The following CDH13 variants were observed in gnomAD, a reference collection of about 807,000 sequenced individuals.
CDH13 encodes the protein cadherin 13, also known as cadherin-13.
In CDH13, 24 loss-of-function variants were observed where a neutral mutation model predicts 63.8. The ratio of observed to expected loss-of-function variants is 0.38; its 90% CI spans 0.27 to 0.53. The LOEUF (loss-of-function observed/expected upper bound fraction) is 0.53, where lower values mean the gene tolerates loss of function less well. CDH13 is among the 20% of genes least tolerant of loss of function. The probability of loss-of-function intolerance (pLI) is 0.85; values close to 1 mark genes in which losing one functional copy is unlikely to be tolerated. For synonymous variants in CDH13, 503 were observed against 355.3 expected, an observed-to-expected ratio of 1.42 and a Z score of -4.67; for missense variants, 1,049 against 903.1, an observed-to-expected ratio of 1.16 and a Z score of -2.07.
At chr16:83,498,818 C>T (rs961336914) in intron 7 of CDH13, among the ~76,000 whole-genome samples, 6 of 152,288 alleles carry the variant, frequency 3.9e-5, no homozygotes, top group South Asian at 4.1e-4. Context: ...CTTTCATTCT[C>T]ATCAGGCCAT....
chr16:83,602,107 CAAAAAAAAAAAAAAAAAAAAAA>C (rs869202510), intron 7 of CDH13, among the ~76,000 whole-genome samples: 1 of 7,958 alleles, frequency 1.3e-4, no homozygotes, highest in East Asian at 3.8e-3. Context: ...AGAACAACAA[CAAAAAAAAAAAAAAAAAAAAAA>C]AAAAAAAAAA....
chr16:83,369,615 G>A (rs570879027), intron 6 of CDH13, among the ~76,000 whole-genome samples: 1 of 152,138 alleles, frequency 6.6e-6, no homozygotes, highest in African/African-American at 2.4e-5. Flanking sequence ...CGTACAGATG[G>A]AATCTCACTG....
At chr16:83,599,013 G>C (rs1907529113) in intron 7 of CDH13, among the ~76,000 whole-genome samples, 1 of 152,204 alleles carries the variant, frequency 6.6e-6, no homozygotes, top group Non-Finnish European at 1.5e-5. Flanking sequence ...GGCCAGGCCT[G>C]AACCATATGA....
intron 3 of CDH13, among the ~76,000 whole-genome samples, chr16:83,080,460 T>G (rs1374504604): frequency 1.3e-5 from 2 of 152,250 alleles, no homozygotes; most frequent in African/African-American, 4.8e-5. Flanking sequence ...TGCATCTGCC[T>G]GACCTTCTTG....
At chr16:82,940,015 G>C (rs1386765745) in intron 2 of CDH13, among the ~76,000 whole-genome samples, 1 of 152,128 alleles carries the variant, frequency 6.6e-6, no homozygotes. Flanking sequence ...AGAACCAAAT[G>C]AAAGGGGTTT....
chr16:82,860,051 C>A (rs1357914579), intron 2 of CDH13, among the ~76,000 whole-genome samples: 1 of 152,154 alleles, frequency 6.6e-6, no homozygotes, highest in Admixed American at 6.5e-5. Flanking sequence ...TTATCAGAAT[C>A]AATATATTTC....
intron 2 of CDH13, among the ~76,000 whole-genome samples, chr16:82,915,604 T>A (rs1311434420): frequency 4.6e-5 from 7 of 151,896 alleles, no homozygotes; most frequent in Admixed American, 1.3e-4. Context: ...GTACAGCACC[T>A]AAAATATCCT....
At chr16:83,503,694 G>C (rs1199935792) in intron 7 of CDH13, among the ~76,000 whole-genome samples, 1 of 152,172 alleles carries the variant, frequency 6.6e-6, no homozygotes, top group Non-Finnish European at 1.5e-5. Flanking sequence ...GAAGTGTCTT[G>C]AGAAGTTTCT....
chr16:82,967,192 C>T (rs559976573), intron 2 of CDH13, among the ~76,000 whole-genome samples: 17 of 152,224 alleles, frequency 1.1e-4, no homozygotes, highest in African/African-American at 4.1e-4. Flanking sequence ...TATGTCAACA[C>T]CTAAATAATC....
At chr16:83,326,336 T>C (rs1471058327) in intron 5 of CDH13, among the ~76,000 whole-genome samples, 1 of 152,188 alleles carries the variant, frequency 6.6e-6, no homozygotes, top group East Asian at 1.9e-4. Flanking sequence ...GGCATATTCT[T>C]TAAGGGGTAG....
intron 1 of CDH13, among the ~76,000 whole-genome samples, chr16:82,842,465 AG>A (rs939823301): frequency 1.3e-5 from 2 of 152,038 alleles, no homozygotes; most frequent in African/African-American, 2.4e-5. Context: ...AAGAGTGCAC[AG>A]GCAAAAATCA....
chr16:83,232,474 A>C (rs555690112), intron 5 of CDH13, among the ~76,000 whole-genome samples: 2 of 151,754 alleles, frequency 1.3e-5, no homozygotes, highest in Non-Finnish European at 2.9e-5. Flanking sequence ...GCAGTGAGCC[A>C]AGATTGCGCC....
Position 82,810,152 on chromosome 16 carries a change from A to G in CDH13, c.46-48210A>G, listed in dbSNP as rs1447070740. On this transcript the variant is annotated intron_variant, in intron 1 of 13. Transcript: ENST00000567109. ...GCTTCAAGGTAAGGACATGGTGCCT[A>G]CTTTCTAAATGAGATGTTATCCAGA... 2.0e-5 allele frequency among the ~76,000 whole-genome samples: 3 copies of G among 152,232 alleles called. No individual in the cohort carries two copies. The South Asian group carries it at 6.2e-4, about 31-fold the overall frequency.
In CDH13 at chr16:83,795,134, C is replaced by T. The variant is rs938574862; in HGVS notation, c.*104C>T. The stretch of plus-strand genomic sequence containing the variant: ...TGCGGTTTACAGCTATCGAACTTCA[C>T]AACTAGGCCTCAATTGTTCCGGTTT... On this transcript the variant is annotated 3_prime_UTR_variant, in exon 14 of 14. Coordinates refer to ENST00000567109, the MANE Select transcript of CDH13 (RefSeq NM_001257.5). 4.9e-5 allele frequency: 44 copies of T among 903,844 alleles called. No individual in the cohort carries two copies. The highest frequency in any genetic ancestry group is 7.0e-5 in the Non-Finnish European group (41 of 587,610). The allele number at this position is 903,844 out of a possible 1,614,324, so 56.0% of individuals were successfully genotyped here.
At chr16:82,806,383 T>C (rs544712212) in intron 1 of CDH13, among the ~76,000 whole-genome samples, 1 of 152,316 alleles carries the variant, frequency 6.6e-6, no homozygotes, top group African/African-American at 2.4e-5. Flanking sequence ...GTACAAAACG[T>C]ATACCAGACA....
chr16:82,963,863 G>C (rs1043644742), intron 2 of CDH13, among the ~76,000 whole-genome samples: 2 of 152,152 alleles, frequency 1.3e-5, no homozygotes, highest in African/African-American at 2.4e-5. Flanking sequence ...TCCTACGGGA[G>C]CAATGGCAAG....
At chr16:83,508,558 G>T (rs2074478991) in intron 7 of CDH13, 1 of 152,650 alleles carries the variant, frequency 6.6e-6, no homozygotes, top group African/African-American at 2.4e-5. Context: ...ATCAGCCTTT[G>T]AGTGGCAAGA....
At chr16:83,483,011 A>T (rs1398972225) in intron 6 of CDH13, among the ~76,000 whole-genome samples, 1 of 152,168 alleles carries the variant, frequency 6.6e-6, no homozygotes, top group East Asian at 1.9e-4. Context: ...TAGGCACTGT[A>T]CCAAGTTCTG....
chr16:82,635,248 T>C (rs1908512546), intron 1 of CDH13, among the ~76,000 whole-genome samples: 1 of 152,186 alleles, frequency 6.6e-6, no homozygotes, highest in Admixed American at 6.5e-5. Flanking sequence ...TGAATGAATA[T>C]AAGAAAGACA....
Sources: allele counts gnomAD v4.1 joint callset (sites outside exome capture counted in the v4.1 genomes callset), GRCh38; gene constraint gnomAD v4.1.1; transcripts MANE v1.5; gene names NCBI Gene and HGNC (gene_info 2026-07-23, HGNC 2026-07-21).